Variants in MSI2 observed in about 807,000 individuals in gnomAD.
MSI2 encodes musashi RNA binding protein 2.
MSI2 carries 17 observed loss-of-function variants against 45.6 expected under a neutral mutation model. The observed-to-expected ratio is 0.37, with a 90% confidence interval of 0.26 to 0.56. MSI2 has a LOEUF of 0.56. MSI2 is among the 20% of genes least tolerant of loss of function. MSI2 has a pLI of 0.77. For missense variants in MSI2, 293 were observed against 444.2 expected (o/e 0.66, Z 3.06); for synonymous variants, 156 against 158.2 (o/e 0.99, Z 0.11).
chr17:57,424,509 C>T (rs2084455504), intron 6 of MSI2, among the ~76,000 whole-genome samples: 1 of 152,154 alleles, frequency 6.6e-6, no homozygotes, highest in African/African-American at 2.4e-5. Flanking sequence ...TCTGGAGATC[C>T]TTTGAAAGTT....
chr17:57,533,792 G>A (rs914517325), intron 7 of MSI2, among the ~76,000 whole-genome samples: 5 of 152,200 alleles, frequency 3.3e-5, no homozygotes, highest in Admixed American at 6.5e-5. Context: ...ATGCCTGCAC[G>A]CTGGCCTGTC....
At chr17:57,574,077 G>A (rs1426094717) in intron 7 of MSI2, among the ~76,000 whole-genome samples, 2 of 152,094 alleles carry the variant, frequency 1.3e-5, no homozygotes, top group Non-Finnish European at 2.9e-5. Context: ...CCCTCCCTGG[G>A]CTAGGATTTG....
intron 6 of MSI2, among the ~76,000 whole-genome samples, chr17:57,470,394 C>T (rs2085411711): frequency 2.0e-5 from 3 of 152,212 alleles, no homozygotes; most frequent in African/African-American, 7.2e-5. Flanking sequence ...TCTCCTGCCT[C>T]AGCTTCCCAA....
intron 8 of MSI2, among the ~76,000 whole-genome samples, chr17:57,613,470 ATT>A (rs1329064731): frequency 7.1e-6 from 1 of 140,030 alleles, no homozygotes; most frequent in Non-Finnish European, 1.5e-5. Context: ...GTTCTTCTAT[ATT>A]TTAGGTATTT....
At position 57,529,589 on chromosome 17, in the gene MSI2, A is replaced by AC. The variant is rs537662479; in HGVS notation, c.406-82dup. On this transcript the variant is annotated intron_variant, in intron 6 of 13. Transcript: ENST00000284073. The surrounding 1 kb of genome is among the most constrained non-coding windows in gnomAD (Gnocchi z 5.3). ...AACTATTACTTCTGTAATGGAAACT[A>AC]CCCCCTCACCCCCCGACATGCATAT... 4.2e-6 allele frequency: 5 copies of AC among 1,179,208 alleles called. No individual in the cohort carries two copies. The highest frequency in any genetic ancestry group is 3.8e-5 in the Admixed American group (2 of 52,378). The allele number at this position is 1,179,208 out of a possible 1,614,324, so 73.0% of individuals were successfully genotyped here.
chr17:57,325,466 A>G (rs1420566515), intron 5 of MSI2, among the ~76,000 whole-genome samples: 1 of 152,260 alleles, frequency 6.6e-6, no homozygotes, highest in Non-Finnish European at 1.5e-5. Flanking sequence ...AAAAATTATT[A>G]AAAACAAAAA....
intron 5 of MSI2, among the ~76,000 whole-genome samples, chr17:57,377,077 C>A (rs918011753): frequency 4.6e-5 from 7 of 152,100 alleles, no homozygotes; most frequent in African/African-American, 1.7e-4. Context: ...CCCGCCACCA[C>A]GCCCAGCTAA....
chr17:57,354,867 G>C (rs17221063), intron 5 of MSI2, among the ~76,000 whole-genome samples: 20,757 of 152,168 alleles, frequency 0.14, 1,512 homozygotes, highest in Non-Finnish European at 0.16. Flanking sequence ...CTGCTGGGCA[G>C]AGTAGACTCT....
intron 7 of MSI2, among the ~76,000 whole-genome samples, chr17:57,573,274 A>G (rs2087926232): frequency 6.6e-6 from 1 of 152,214 alleles, no homozygotes; most frequent in Admixed American, 6.5e-5. Context: ...AATATGTAAT[A>G]ATAGTATTAA....
chr17:57,676,268 A>T (rs1383762425), intron 12 of MSI2, among the ~76,000 whole-genome samples: 2 of 152,066 alleles, frequency 1.3e-5, no homozygotes, highest in Non-Finnish European at 2.9e-5. Flanking sequence ...ACATGCACGC[A>T]CACGCACGCA....
Position 57,311,655 on chromosome 17 carries a change from T to G in MSI2, c.312+49463T>G, listed in dbSNP as rs149838347. On this transcript the variant is annotated intron_variant, in intron 5 of 13. Coordinates refer to ENST00000284073, the MANE Select transcript of MSI2 (RefSeq NM_138962.4). Reference sequence around the variant, plus strand: ...GCCTCCTATTCTTGGGCTTAAGTGATCCTTCCCACCTTAGCTGCCCAAGTA... The same window carrying G: ...GCCTCCTATTCTTGGGCTTAAGTGAGCCTTCCCACCTTAGCTGCCCAAGTA... Among the ~76,000 whole-genome samples, 85 of 152,248 alleles carry G rather than the reference T, an allele frequency of 5.6e-4. No individual in the cohort carries two copies. The East Asian group carries it at 0.014, about 24-fold the overall frequency.
chr17:57,349,388 C>T (rs1915848482), intron 5 of MSI2, among the ~76,000 whole-genome samples: 1 of 152,166 alleles, frequency 6.6e-6, no homozygotes, highest in Admixed American at 6.5e-5. Context: ...AACGAATGCT[C>T]ATGAGAAGCG....
intron 6 of MSI2, among the ~76,000 whole-genome samples, chr17:57,417,711 A>C (rs2084321540): frequency 1.3e-5 from 2 of 152,178 alleles, no homozygotes; most frequent in Non-Finnish European, 2.9e-5. Context: ...TTAACCTGGG[A>C]TCTGCTCATG....
Position 57,357,839 on chromosome 17 carries a change from C to CT in MSI2, c.313-43531dup, listed in dbSNP as rs561202728. Among the ~76,000 whole-genome samples, 26 of 151,722 alleles carry CT rather than the reference C, an allele frequency of 1.7e-4. No homozygotes were observed. The East Asian group carries it at 2.1e-3, about 12-fold the overall frequency. ...TTAGTGTTCCGATTAATACATTAAT[C>CT]TTTTTTTTTGATGAGCTGAAGGTGC... On this transcript the variant is annotated intron_variant, in intron 5 of 13. Coordinates refer to ENST00000284073, the MANE Select transcript of MSI2 (RefSeq NM_138962.4).
intron 7 of MSI2, among the ~76,000 whole-genome samples, chr17:57,550,363 C>T (rs1216210690): frequency 6.6e-6 from 1 of 152,126 alleles, no homozygotes; most frequent in Admixed American, 6.5e-5. Context: ...GGGACTTGTT[C>T]TTCTCCTTTG....
chr17:57,371,474 A>T, intron 5 of MSI2, among the ~76,000 whole-genome samples: 1 of 148,898 alleles, frequency 6.7e-6, no homozygotes, highest in Non-Finnish European at 1.5e-5. Flanking sequence ...TGCTATGAAC[A>T]TTTCGGTACA....
At chr17:57,674,276 G>C (rs566720001) in intron 11 of MSI2, among the ~76,000 whole-genome samples, 4 of 150,220 alleles carry the variant, frequency 2.7e-5, no homozygotes, top group Non-Finnish European at 4.4e-5. Context: ...AGTGGGGAGG[G>C]GCGGGTGGTG....
chr17:57,689,734 T>C, the MSI2 span, among the ~76,000 whole-genome samples: 1 of 152,220 alleles, frequency 6.6e-6, no homozygotes, highest in Non-Finnish European at 1.5e-5. Flanking sequence ...TGTTAGTCAC[T>C]ATAGCTTAGT....
chr17:57,513,695 C>T (rs1024562044), intron 6 of MSI2, among the ~76,000 whole-genome samples: 22 of 152,210 alleles, frequency 1.4e-4, no homozygotes, highest in African/African-American at 4.8e-4. Flanking sequence ...CAGGGAGCCT[C>T]ACCCCCCTCC....
Sources: gnomAD v4.1 joint callset for allele counts (sites outside exome capture counted in the v4.1 genomes callset) on GRCh38, gnomAD v4.1.1 for gene constraint, Gnocchi (gnomAD v3.1) non-coding constraint, MANE v1.5 for transcripts, NCBI Gene and HGNC (gene_info 2026-07-23, HGNC 2026-07-21) for gene names.